Variants in ANGPTL3 observed in about 807,000 individuals in gnomAD.
ANGPTL3 encodes the protein angiopoietin-related protein 3.
Under a neutral mutation model 52.7 loss-of-function variants are expected in ANGPTL3, and 51 were observed. The observed-to-expected ratio is 0.97, with a 90% CI of 0.77 to 1.22. ANGPTL3 has a LOEUF of 1.22. Among genes scored for constraint, ANGPTL3 ranks in the 50% most tolerant of loss-of-function variants. ANGPTL3 has a pLI of 0.00. For synonymous variants in ANGPTL3, 185 were observed against 179.8 expected, an observed-to-expected ratio of 1.03 and a Z score of -0.23; for missense variants, 506 against 520.7, an observed-to-expected ratio of 0.97 and a Z score of 0.27.
chr1:62,597,724 T>G lies in ANGPTL3; in HGVS notation c.158T>G (p.Leu53Trp), dbSNP rs765123937. The G allele has an allele frequency of 1.2e-6, 2 of 1,613,634 alleles. No homozygotes were observed. Among genetic ancestry groups the G allele is most frequent in the Non-Finnish European group, 1.7e-6 (2 of 1,179,728 alleles). Reference protein sequence around the residue: ...VKILANGLLQLGHGLKDFVHK... With the variant: ...VKILANGLLQWGHGLKDFVHK... ...ATTTTAGCCAATGGCCTCCTTCAGTTGGGACATGGTCTTAAAGACTTTGTC... is the reference window on the plus strand; with the variant it reads ...ATTTTAGCCAATGGCCTCCTTCAGTGGGGACATGGTCTTAAAGACTTTGTC... Residue 53 changes from leucine to tryptophan, a missense_variant, in exon 1 of 7, where the codon TTG (leucine) becomes TGG (tryptophan). Leu to Trp is a moderately conservative substitution (Grantham distance 61). Coordinates refer to ENST00000371129, the MANE Select transcript of ANGPTL3 (RefSeq NM_014495.4).
intron 2 of ANGPTL3, among the ~76,000 whole-genome samples, chr1:62,600,512 A>C (rs915477656): frequency 6.6e-6 from 1 of 151,806 alleles, no homozygotes; most frequent in Admixed American, 6.6e-5. Context: ...TAAATTGCAA[A>C]CCCAACACAC....
intron 2 of ANGPTL3, 55 bp from the exon 3 acceptor site, chr1:62,601,027 C>T (rs1248555300): frequency 9.8e-7 from 1 of 1,022,736 alleles, no homozygotes; most frequent in African/African-American, 1.6e-5. Flanking sequence ...CTCAGATTTC[C>T]CCTAATTGTA....
In ANGPTL3 at chr1:62,601,752, C is replaced by A; in HGVS notation, c.722-17C>A. On this transcript the variant is annotated splice_polypyrimidine_tract_variant and intron_variant, in intron 3 of 6. Coordinates refer to ENST00000371129, the MANE Select transcript of ANGPTL3 (RefSeq NM_014495.4). ...CCTATTACTAAATCTGATGTAATAA[C>A]ATTTTATTGATTCTAGGCATTCCTG... The A allele has an allele frequency of 6.6e-7, 1 of 1,503,986 alleles. No individual in the cohort carries two copies. Among genetic ancestry groups the A allele is most frequent in the Non-Finnish European group, 9.2e-7 (1 of 1,082,876 alleles). 93.2% of individuals were successfully genotyped at this position (1,503,986 alleles called of 1,614,324 possible). A position where few individuals can be genotyped will look rare whatever the true frequency, so the allele number is the denominator to read the frequency against.
At chr1:62,599,392 T>A (rs1046628761) in intron 2 of ANGPTL3, among the ~76,000 whole-genome samples, 1 of 151,916 alleles carries the variant, frequency 6.6e-6, no homozygotes, top group African/African-American at 2.4e-5. Flanking sequence ...TCCCTTAGGG[T>A]CGTTATCAAA....
chr1:62,604,386 T>C (rs1034199747), intron 6 of ANGPTL3, 151 bp downstream of exon 6: 3 of 1,007,718 alleles, frequency 3.0e-6, no homozygotes, highest in African/African-American at 3.3e-5. Context: ...ATAATGAAAG[T>C]GTTCATTCTA....
rs150756065 is a variant in ANGPTL3 at position 62,603,699 on chromosome 1, C to T, written c.932-270C>T. Among the ~76,000 whole-genome samples, 576 of 151,852 alleles carry T rather than the reference C, an allele frequency of 3.8e-3. 6 individuals are homozygous for T. The highest frequency in any genetic ancestry group is 0.013 in the African/African-American group (523 of 41,500). ...CTTTAAAATATCTATAATAATGTAA[C>T]ACATTTCACTGGTGAAACATGTCTT... On this transcript the variant is annotated intron_variant, in intron 5 of 6. Coordinates refer to ENST00000371129, the MANE Select transcript of ANGPTL3 (RefSeq NM_014495.4).
chr1:62,601,880 C>A lies in ANGPTL3; in HGVS notation c.833C>A (p.Ser278Ter). Residue 278 changes from serine to a stop codon, truncating the protein, a stop_gained and splice_region_variant, in exon 4 of 7, where the codon TCA (serine) becomes TAA (stop). Coordinates refer to ENST00000371129, the MANE Select transcript of ANGPTL3 (RefSeq NM_014495.4). LOFTEE classifies it high-confidence loss of function. Reference sequence around the variant, plus strand: ...TTTCATGTCTACTGTGATGTTATATCAGGTAAAACCTGTCTAAGGAGAATA... The same window carrying A: ...TTTCATGTCTACTGTGATGTTATATAAGGTAAAACCTGTCTAAGGAGAATA... ...QVFHVYCDVI[S>*]GSPWTLIQHR... 6.9e-6 allele frequency: 11 copies of A among 1,593,702 alleles called. No individual in the cohort carries two copies. The highest frequency in any genetic ancestry group is 9.5e-6 in the Non-Finnish European group (11 of 1,162,798).
At chr1:62,604,525 A>G in intron 6 of ANGPTL3, 108 bp from the exon 7 acceptor site, 1 of 1,210,712 alleles carries the variant, frequency 8.3e-7, no homozygotes, top group Non-Finnish European at 1.2e-6. Flanking sequence ...ACATGCATCT[A>G]AAACACTGTA....
intron 6 of ANGPTL3, 93 bp downstream of exon 6, chr1:62,604,328 T>A (rs1355572141): frequency 6.7e-7 from 1 of 1,492,632 alleles, no homozygotes; most frequent in African/African-American, 1.4e-5. Context: ...CTTTTAAAAA[T>A]CCGAATCCCA....
intron 1 of ANGPTL3, 70 bp from the exon 2 acceptor site, chr1:62,598,626 T>G: frequency 1.2e-6 from 1 of 818,118 alleles, no homozygotes; most frequent in South Asian, 1.4e-5. Context: ...TAGATTATGA[T>G]AGTGTTACAG....
At position 62,604,925 on chromosome 1, in the gene ANGPTL3, T is replaced by A; in HGVS notation, c.*108T>A. ...TTAAGAGAAAGCTTGAGAAATAGAT[T>A]TTTTTTATCTTAAAGTCACTGTCTA... On this transcript the variant is annotated 3_prime_UTR_variant, in exon 7 of 7. Coordinates refer to ENST00000371129, the MANE Select transcript of ANGPTL3 (RefSeq NM_014495.4). 1 of 1,157,938 alleles carries A rather than the reference T, an allele frequency of 8.6e-7. No homozygotes were observed. The highest frequency in any genetic ancestry group is 1.3e-6 in the Non-Finnish European group (1 of 792,060). The allele number at this position is 1,157,938 out of a possible 1,614,324, so 71.7% of individuals were successfully genotyped here. A position where few individuals can be genotyped will look rare whatever the true frequency, so the allele number is the denominator to read the frequency against.
rs763904695 is a variant in ANGPTL3, at chr1:62,602,312, G to A, written c.863G>A (p.Arg288Gln). 31 of 1,610,220 alleles carry A rather than the reference G, an allele frequency of 1.9e-5. No homozygotes were observed. The highest frequency in any genetic ancestry group is 4.5e-5 in the East Asian group (2 of 44,712). ...AGTCCATGGACATTAATTCAACATC[G>A]AATAGATGGATCACAAAACTTCAAT... is the stretch of plus-strand genomic sequence containing the variant. ...SGSPWTLIQH[R>Q]IDGSQNFNET... The change falls in exon 5 of 7, where the codon CGA (arginine) becomes CAA (glutamine). Residue 288 changes from arginine to glutamine, a missense_variant. Coordinates refer to ENST00000371129, the MANE Select transcript of ANGPTL3 (RefSeq NM_014495.4).
At chr1:62,599,216 C>G (rs1207427668) in intron 2 of ANGPTL3, among the ~76,000 whole-genome samples, 1 of 152,004 alleles carries the variant, frequency 6.6e-6, no homozygotes. Flanking sequence ...ATTACCCAAC[C>G]CTTCGTCATC....
intron 2 of ANGPTL3, among the ~76,000 whole-genome samples, chr1:62,599,013 C>T (rs1412266205): frequency 6.6e-6 from 1 of 152,026 alleles, no homozygotes; most frequent in African/African-American, 2.4e-5. Context: ...TAAATTACTT[C>T]ACCCCTTTAT....
At chr1:62,600,135 T>G (rs1318100625) in intron 2 of ANGPTL3, among the ~76,000 whole-genome samples, 1 of 151,860 alleles carries the variant, frequency 6.6e-6, no homozygotes, top group South Asian at 2.1e-4. Flanking sequence ...AATTATATCT[T>G]TTACTATGAT....
rs1368618193 is a variant in ANGPTL3, at chr1:62,605,734, A to G, written c.*917A>G. ...AGTTACTGAACGTTTAAACAGCCTGACAAGCATGTATATATGTTTAAAATT... is the reference window on the plus strand; with the variant it reads ...AGTTACTGAACGTTTAAACAGCCTGGCAAGCATGTATATATGTTTAAAATT... On this transcript the variant is annotated 3_prime_UTR_variant, in exon 7 of 7. Transcript: ENST00000371129. The G allele has an allele frequency of 6.6e-6, 1 of 152,376 alleles. No homozygotes were observed. Among genetic ancestry groups the G allele is most frequent in the Non-Finnish European group, 1.5e-5 (1 of 67,890 alleles). 9.4% of individuals were successfully genotyped at this position (152,376 alleles called of 1,614,324 possible). A position where few individuals can be genotyped will look rare whatever the true frequency, so the allele number is the denominator to read the frequency against.
chr1:62,601,562 T>C (rs892416853), intron 3 of ANGPTL3, among the ~76,000 whole-genome samples: 1 of 151,582 alleles, frequency 6.6e-6, no homozygotes, highest in African/African-American at 2.4e-5. Context: ...CTCTAAAAAA[T>C]AATTAATTTT....
At position 62,606,082 on chromosome 1, in the gene ANGPTL3, T is replaced by C. The variant is rs895195690; in HGVS notation, c.*1265T>C. 7 of 152,016 alleles carry C rather than the reference T, an allele frequency of 4.6e-5. No individual in the cohort carries two copies. Among genetic ancestry groups the C allele is most frequent in the Admixed American group, 4.6e-4 (7 of 15,266 alleles). 9.4% of individuals were successfully genotyped at this position (152,016 alleles called of 1,614,324 possible). On this transcript the variant is annotated 3_prime_UTR_variant, in exon 7 of 7. Coordinates refer to ENST00000371129, the MANE Select transcript of ANGPTL3 (RefSeq NM_014495.4). ...TTATATGTCACATATATAAAAGATA[T>C]GTATGATCTATGTGAATCCTAAGTA...
At chr1:62,600,340 A>G (rs550304861) in intron 2 of ANGPTL3, among the ~76,000 whole-genome samples, 3 of 152,012 alleles carry the variant, frequency 2.0e-5, no homozygotes, top group African/African-American at 7.2e-5. Flanking sequence ...ATAGTTACTT[A>G]GTAGAAAAGA....
Sources: gnomAD v4.1 joint callset for allele counts (sites outside exome capture counted in the v4.1 genomes callset) on GRCh38, gnomAD v4.1.1 for gene constraint, MANE v1.5 for transcripts, NCBI Gene and HGNC (gene_info 2026-07-23, HGNC 2026-07-21) for gene names.